LAMP1: variants seen among roughly 807,000 people sequenced by gnomAD.
LAMP1 encodes lysosome associated membrane protein 1.
A neutral mutation model predicts 37.5 loss-of-function variants in LAMP1; 7 were observed. The ratio of observed to expected loss-of-function variants is 0.19; its 90% CI spans 0.11 to 0.35. The LOEUF (loss-of-function observed/expected upper bound fraction) is 0.35. Ranked by LOEUF, LAMP1 falls within the 10% of genes least tolerant of loss-of-function variation. LAMP1 has a pLI of 1.00. For synonymous variants in LAMP1, 236 were observed against 229.1 expected, an observed-to-expected ratio of 1.03 and a Z score of -0.27; for missense variants, 537 against 552.8, an observed-to-expected ratio of 0.97 and a Z score of 0.29.
intron 4 of LAMP1, among the ~76,000 whole-genome samples, chr13:113,312,739 G>A (rs189754030): frequency 1.2e-4 from 18 of 152,266 alleles, no homozygotes; most frequent in African/African-American, 4.1e-4. Flanking sequence ...AGGAAGAGCG[G>A]GCTAGAGTCC....
chr13:113,322,529 C>A lies in LAMP1; in HGVS notation c.*108C>A. On this transcript the variant is annotated 3_prime_UTR_variant, in exon 9 of 9. Transcript: ENST00000332556. ...TTCTGGCAAACGTTTCTCAAATCTGCTTCATCCAATGTGAAGTTCATCTTG... is the reference window on the plus strand; with the variant it reads ...TTCTGGCAAACGTTTCTCAAATCTGATTCATCCAATGTGAAGTTCATCTTG... 1 of 1,036,792 alleles carries A rather than the reference C, an allele frequency of 9.6e-7. No individual in the cohort carries two copies. The highest frequency in any genetic ancestry group is 1.4e-6 in the Non-Finnish European group (1 of 725,256). The allele number at this position is 1,036,792 out of a possible 1,614,324, so 64.2% of individuals were successfully genotyped here.
chr13:113,321,395 C>G lies in LAMP1; in HGVS notation c.877-9C>G, dbSNP rs766948641. ...TGCTCCGTGATTAAAGATCATTTTT[C>G]TTTTTAAGAATGCAAGTTCTAGCCG... is the stretch of plus-strand genomic sequence containing the variant. On this transcript the variant is annotated splice_polypyrimidine_tract_variant and intron_variant, in intron 6 of 8. Transcript: ENST00000332556. This position sits in a 1 kb window ranked among gnomAD's most constrained non-coding sequence, Gnocchi z 5.6. 6.2e-7 allele frequency: 1 copy of G among 1,608,540 alleles called. No individual in the cohort carries two copies. Among genetic ancestry groups the G allele is most frequent in the South Asian group, 1.1e-5 (1 of 90,944 alleles).
At chr13:113,303,387 G>A (rs1233144778) in intron 1 of LAMP1, among the ~76,000 whole-genome samples, 1 of 152,234 alleles carries the variant, frequency 6.6e-6, no homozygotes, top group East Asian at 1.9e-4. Context: ...TCGTGTCTGA[G>A]TACAGGACTG....
Position 113,322,858 on chromosome 13 carries a change from C to T in LAMP1, c.*437C>T, listed in dbSNP as rs1287273274. The T allele has an allele frequency of 1.2e-4, 15 of 125,254 alleles. No individual in the cohort carries two copies. The highest frequency in any genetic ancestry group is 2.6e-4 in the South Asian group (1 of 3,880). The allele number at this position is 125,254 out of a possible 1,614,324, so 7.8% of individuals were successfully genotyped here. ...CTGCTCTCTCCGAGGGGTGGAATGC[C>T]GCTGTCTCTGAGGGGTGGGGGTGCC... On this transcript the variant is annotated 3_prime_UTR_variant, in exon 9 of 9. Coordinates refer to ENST00000332556, the MANE Select transcript of LAMP1 (RefSeq NM_005561.4).
intron 4 of LAMP1, among the ~76,000 whole-genome samples, chr13:113,318,983 T>C (rs901190347): frequency 6.6e-6 from 1 of 152,196 alleles, no homozygotes; most frequent in Non-Finnish European, 1.5e-5. Flanking sequence ...GGGTAGTGTT[T>C]CCAGCACGAT....
Position 113,319,532 on chromosome 13 carries a change from C to T in LAMP1, c.626C>T (p.Ser209Leu), listed in dbSNP as rs200052831. Reference sequence around the variant, plus strand: ...GCGCCCCCTGCGCCACCCAGCCCCTCGCCCTCACCCGTGCCCAAGAGCCCC... The same window carrying T: ...GCGCCCCCTGCGCCACCCAGCCCCTTGCCCTCACCCGTGCCCAAGAGCCCC... ...TTAPPAPPSP[S>L]PSPVPKSPSV... Residue 209 changes from serine (S) to leucine (L), a missense_variant, in exon 5 of 9, where the codon TCG becomes TTG. Coordinates refer to ENST00000332556, the MANE Select transcript of LAMP1 (RefSeq NM_005561.4). 1.4e-4 allele frequency: 229 copies of T among 1,613,980 alleles called. No individual in the cohort carries two copies. Among genetic ancestry groups the T allele is most frequent in the Non-Finnish European group, 1.8e-4 (210 of 1,180,000 alleles).
intron 2 of LAMP1, among the ~76,000 whole-genome samples, chr13:113,306,834 C>CTTTTTTTTTTTTTTTTTTTTTTTT (rs780041684): frequency 1.2e-5 from 1 of 80,142 alleles, no homozygotes; most frequent in Non-Finnish European, 2.2e-5. Context: ...GAACATTTTC[C>CTTTTTTTTTTTTTTTTTTTTTTTT]TTTTTTTTTT....
intron 2 of LAMP1, among the ~76,000 whole-genome samples, chr13:113,307,456 C>G (rs2042605928): frequency 6.6e-6 from 1 of 152,152 alleles, no homozygotes; most frequent in African/African-American, 2.4e-5. Flanking sequence ...CCCCTCCCAG[C>G]TCTAGTTTTC....
intron 1 of LAMP1, among the ~76,000 whole-genome samples, chr13:113,298,234 G>T (rs1031891934): frequency 4.6e-5 from 7 of 152,192 alleles, no homozygotes; most frequent in Admixed American, 1.3e-4. Flanking sequence ...CAGGGAACAC[G>T]TGGGGAAGCA....
At chr13:113,304,035 A>C (rs944373831) in intron 1 of LAMP1, among the ~76,000 whole-genome samples, 7 of 152,238 alleles carry the variant, frequency 4.6e-5, no homozygotes, top group African/African-American at 1.7e-4. Flanking sequence ...ACTGCACTCC[A>C]GCCTGGGCAA....
chr13:113,311,411 C>T (rs930262780), intron 4 of LAMP1, among the ~76,000 whole-genome samples: 5 of 152,228 alleles, frequency 3.3e-5, no homozygotes, highest in Non-Finnish European at 7.3e-5. Context: ...ACAATTATTA[C>T]TTGAAAATGT....
At position 113,321,541 on chromosome 13, in the gene LAMP1, T is replaced by A; in HGVS notation, c.944-16T>A. 1 of 1,613,268 alleles carries A rather than the reference T, an allele frequency of 6.2e-7. No homozygotes were observed. Among genetic ancestry groups the A allele is most frequent in the South Asian group, 1.1e-5 (1 of 91,052 alleles). ...CAGGGTATTCTGGAGCCACTAGACC[T>A]CTGTGTGTGTTGCAGACCCTGCCTT... is the stretch of plus-strand genomic sequence containing the variant. On this transcript the variant is annotated splice_polypyrimidine_tract_variant and intron_variant, in intron 7 of 8. Coordinates refer to ENST00000332556, the MANE Select transcript of LAMP1 (RefSeq NM_005561.4). The surrounding 1 kb of genome is among the most constrained non-coding windows in gnomAD (Gnocchi z 5.6).
intron 1 of LAMP1, among the ~76,000 whole-genome samples, chr13:113,300,785 T>C (rs988196562): frequency 1.3e-5 from 2 of 152,198 alleles, no homozygotes; most frequent in African/African-American, 2.4e-5. Flanking sequence ...GCCACTGCTC[T>C]TCAGGGCAAC....
At chr13:113,315,598 C>T (rs912367564) in intron 4 of LAMP1, among the ~76,000 whole-genome samples, 2 of 150,656 alleles carry the variant, frequency 1.3e-5, no homozygotes, top group African/African-American at 4.9e-5. Context: ...ACCATGTTGG[C>T]CAGGCTGGTC....
chr13:113,315,681 A>G (rs1354146024), intron 4 of LAMP1, among the ~76,000 whole-genome samples: 1 of 151,638 alleles, frequency 6.6e-6, no homozygotes, highest in Admixed American at 6.6e-5. Flanking sequence ...TTGCCTTTCA[A>G]TACATCATCT....
intron 4 of LAMP1, among the ~76,000 whole-genome samples, chr13:113,312,045 A>G (rs959743172): frequency 2.6e-5 from 4 of 152,184 alleles, no homozygotes; most frequent in Non-Finnish European, 5.9e-5. Flanking sequence ...TCTAATCTTG[A>G]GAGCTACTGT....
Position 113,321,710 on chromosome 13 carries a change from G to T in LAMP1, c.1097G>T (p.Gly366Val), listed in dbSNP as rs1436081539. The change falls in exon 8 of 9, where the codon GGT becomes GTT. Residue 366 changes from glycine (G) to valine (V), a missense_variant. Gly to Val is a moderately radical substitution (Grantham distance 109). Transcript: ENST00000332556. This position sits in a 1 kb window ranked among gnomAD's most constrained non-coding sequence, Gnocchi z 5.6. ...TGGGTCCAGGCTTTCAAGGTGGAAG[G>T]TGGCCAGTTTGGCTCTGGTGAGTGT... ...KVWVQAFKVE[G>V]GQFGSVEECL... The T allele has an allele frequency of 1.9e-6, 3 of 1,614,110 alleles. No homozygotes were observed. The South Asian group carries it at 3.3e-5, about 18-fold the overall frequency.
In LAMP1 at chr13:113,321,530, G is replaced by A. The variant is rs778061906; in HGVS notation, c.944-27G>A. 1.2e-6 allele frequency: 2 copies of A among 1,613,598 alleles called. No homozygotes were observed. Among genetic ancestry groups the A allele is most frequent in the South Asian group, 1.1e-5 (1 of 91,074 alleles). On this transcript the variant is annotated intron_variant, in intron 7 of 8. Coordinates refer to ENST00000332556, the MANE Select transcript of LAMP1 (RefSeq NM_005561.4). This position sits in a 1 kb window ranked among gnomAD's most constrained non-coding sequence, Gnocchi z 5.6. ...GCCCGCGCGCCCAGGGTATTCTGGAGCCACTAGACCTCTGTGTGTGTTGCA... is the reference window on the plus strand; with the variant it reads ...GCCCGCGCGCCCAGGGTATTCTGGAACCACTAGACCTCTGTGTGTGTTGCA...
intron 1 of LAMP1, among the ~76,000 whole-genome samples, chr13:113,298,635 T>G (rs3891398): frequency 6.6e-6 from 1 of 152,176 alleles, no homozygotes; most frequent in Non-Finnish European, 1.5e-5. Context: ...TTGCCTGTTG[T>G]GTAAAATGAA....
Sources: allele counts gnomAD v4.1 joint callset (sites outside exome capture counted in the v4.1 genomes callset), GRCh38; gene constraint gnomAD v4.1.1; non-coding constraint Gnocchi (gnomAD v3.1); transcripts MANE v1.5; gene names NCBI Gene and HGNC (gene_info 2026-07-23, HGNC 2026-07-21).